The following GPC6 variants were observed in gnomAD, a reference collection of about 807,000 sequenced individuals.
The protein encoded by GPC6 is glypican-6.
Under a neutral mutation model 55.2 loss-of-function variants are expected in GPC6, and 14 were observed. The ratio of observed to expected loss-of-function variants is 0.25; its 90% CI spans 0.17 to 0.40. GPC6 has a LOEUF of 0.40. Ranked by LOEUF, GPC6 falls within the 10% of genes least tolerant of loss-of-function variation. The pLI, the probability that GPC6 is intolerant of heterozygous loss-of-function variation, is 1.00. For missense variants in GPC6, 641 were observed against 708.5 expected (o/e 0.90, Z 1.08); for synonymous variants, 278 against 259.6 (o/e 1.07, Z -0.68).
chr13:93,396,582 T>C (rs1837290407), intron 1 of GPC6, among the ~76,000 whole-genome samples: 1 of 151,276 alleles, frequency 6.6e-6, no homozygotes, highest in South Asian at 2.1e-4. Context: ...AAGAAAATAA[T>C]AATAATAATA....
At chr13:93,828,801 A>C (rs543802549) in intron 2 of GPC6, among the ~76,000 whole-genome samples, 7 of 152,200 alleles carry the variant, frequency 4.6e-5, no homozygotes, top group African/African-American at 1.7e-4. Flanking sequence ...CAAATATAAA[A>C]CATTTATCAT....
intron 4 of GPC6, among the ~76,000 whole-genome samples, chr13:94,043,015 A>G (rs1883595790): frequency 1.3e-5 from 2 of 151,862 alleles, no homozygotes; most frequent in South Asian, 2.1e-4. Flanking sequence ...TTTGTTGCTC[A>G]AATTGTTCCA....
chr13:94,407,129 C>A lies in GPC6; in HGVS notation c.*3912C>A, dbSNP rs567746612. 2.0e-5 allele frequency: 3 copies of A among 152,154 alleles called. No homozygotes were observed. The South Asian group carries it at 6.2e-4, about 32-fold the overall frequency. The allele number at this position is 152,154 out of a possible 1,614,324, so 9.4% of individuals were successfully genotyped here. A position where few individuals can be genotyped will look rare whatever the true frequency, so the allele number is the denominator to read the frequency against. Reference sequence around the variant, plus strand: ...GCACAGACTCAGCTTAGCATGGGGACATTTTGAACTTCATTCAAAGTTGAG... The same window carrying A: ...GCACAGACTCAGCTTAGCATGGGGAAATTTTGAACTTCATTCAAAGTTGAG... On this transcript the variant is annotated 3_prime_UTR_variant, in exon 9 of 9. Transcript: ENST00000377047.
At chr13:94,093,585 T>C (rs1885565072) in intron 4 of GPC6, among the ~76,000 whole-genome samples, 1 of 152,038 alleles carries the variant, frequency 6.6e-6, no homozygotes, top group African/African-American at 2.4e-5. Context: ...CTATAGTGAG[T>C]CTTTTGTGTT....
At chr13:94,220,677 G>A (rs997959581) in intron 4 of GPC6, among the ~76,000 whole-genome samples, 4 of 152,154 alleles carry the variant, frequency 2.6e-5, no homozygotes, top group African/African-American at 7.2e-5. Flanking sequence ...AGTAGGGGTC[G>A]GTTCTAGGCC....
intron 3 of GPC6, among the ~76,000 whole-genome samples, chr13:93,878,242 GT>G (rs1252622148): frequency 6.6e-6 from 1 of 151,986 alleles, no homozygotes. Flanking sequence ...GTACTAAAAG[GT>G]GGGGCATTTA....
intron 2 of GPC6, among the ~76,000 whole-genome samples, chr13:93,789,509 C>CTCTCTATATATA (rs1363454667): frequency 7.5e-5 from 7 of 93,458 alleles, no homozygotes; most frequent in African/African-American, 2.9e-4. Context: ...CTCTCTCTCT[C>CTCTCTATATATA]TATATATATA....
At chr13:93,406,420 A>G (rs777665826) in intron 1 of GPC6, among the ~76,000 whole-genome samples, 15 of 152,114 alleles carry the variant, frequency 9.9e-5, no homozygotes, top group Non-Finnish European at 2.1e-4. Context: ...TCTGGCTCTC[A>G]ACCCAGCATC....
intron 1 of GPC6, among the ~76,000 whole-genome samples, chr13:93,531,513 G>A (rs1029305362): frequency 3.3e-5 from 5 of 151,990 alleles, no homozygotes; most frequent in African/African-American, 1.2e-4. Flanking sequence ...ACATTATTGA[G>A]GGTGATCTCC....
In GPC6 at chr13:93,422,210, A is replaced by G. The variant is rs561490749; in HGVS notation, c.161-123053A>G. 3.3e-5 allele frequency among the ~76,000 whole-genome samples: 5 copies of G among 152,252 alleles called. No homozygotes were observed. In the South Asian group the frequency reaches 1.0e-3, roughly 32 times the overall value. On this transcript the variant is annotated intron_variant, in intron 1 of 8. Coordinates refer to ENST00000377047, the MANE Select transcript of GPC6 (RefSeq NM_005708.5). ...AAAAAGACCAAGGTGTTTTTCTTCA[A>G]ATGGAAAAGTCTTCTAAGCAACACC...
At chr13:94,252,972 A>AG (rs933769767) in intron 4 of GPC6, among the ~76,000 whole-genome samples, 8 of 147,012 alleles carry the variant, frequency 5.4e-5, no homozygotes, top group African/African-American at 2.0e-4. Context: ...AAAAAAAAAA[A>AG]GCAGTTTTCT....
intron 2 of GPC6, among the ~76,000 whole-genome samples, chr13:93,632,343 C>T (rs896942968): frequency 6.6e-6 from 1 of 152,004 alleles, no homozygotes; most frequent in Non-Finnish European, 1.5e-5. Flanking sequence ...CACAGTGGCT[C>T]AAGCCACTTT....
intron 1 of GPC6, among the ~76,000 whole-genome samples, chr13:93,228,912 AC>A (rs1875915255): frequency 6.6e-6 from 1 of 152,184 alleles, no homozygotes; most frequent in African/African-American, 2.4e-5. Context: ...GAGGGTTTTT[AC>A]TTACACTGAA....
chr13:93,379,340 T>G (rs1340367276), intron 1 of GPC6, among the ~76,000 whole-genome samples: 1 of 152,216 alleles, frequency 6.6e-6, no homozygotes, highest in African/African-American at 2.4e-5. Context: ...ATTAAGATAC[T>G]TAGTAATTGC....
chr13:93,796,631 T>G (rs9516289), intron 2 of GPC6, among the ~76,000 whole-genome samples: 50,128 of 152,026 alleles, frequency 0.33, 8,684 homozygotes, highest in African/African-American at 0.43. Context: ...AAAACAAAGA[T>G]GGGGAGGAAA....
chr13:94,287,540 AAGG>A (rs1892564370), intron 5 of GPC6, among the ~76,000 whole-genome samples: 1 of 152,124 alleles, frequency 6.6e-6, no homozygotes, highest in Admixed American at 6.6e-5. Context: ...TGGTAGGATG[AAGG>A]AGAAGAAAGA....
At chr13:94,174,759 C>T (rs971482387) in intron 4 of GPC6, among the ~76,000 whole-genome samples, 1 of 152,112 alleles carries the variant, frequency 6.6e-6, no homozygotes, top group Admixed American at 6.6e-5. Context: ...CTTCCAAAGT[C>T]ACGGAAAACA....
At chr13:94,185,703 A>G (rs1889156321) in intron 4 of GPC6, among the ~76,000 whole-genome samples, 1 of 152,148 alleles carries the variant, frequency 6.6e-6, no homozygotes, top group African/African-American at 2.4e-5. Flanking sequence ...GTGTTTGGAA[A>G]CATAACTTGG....
At chr13:94,222,032 C>A (rs1195997205) in intron 4 of GPC6, among the ~76,000 whole-genome samples, 1 of 150,918 alleles carries the variant, frequency 6.6e-6, no homozygotes, top group Admixed American at 6.6e-5. Flanking sequence ...TTTTTTCTAT[C>A]CTGTTTTTCT....
Sources: allele counts gnomAD v4.1 joint callset (sites outside exome capture counted in the v4.1 genomes callset), GRCh38; gene constraint gnomAD v4.1.1; transcripts MANE v1.5; gene names NCBI Gene and HGNC (gene_info 2026-07-23, HGNC 2026-07-21).